The following CDC42 variants were observed in gnomAD, a reference collection of about 807,000 sequenced individuals.
CDC42 encodes the protein cell division control protein 42 homolog.
In CDC42, 1 loss-of-function variant was observed where a neutral mutation model predicts 20.8. The observed-to-expected ratio is 0.05, with a 90% CI of 0.02 to 0.23. CDC42 has a LOEUF of 0.23. CDC42 is among the 10% of genes least tolerant of loss of function. The pLI is 1.00. For missense variants in CDC42, 49 were observed against 227.9 expected (o/e 0.21, Z 5.05); for synonymous variants, 72 against 84.8 (o/e 0.85, Z 0.83).
chr1:22,058,058 C>T (rs541378406), intron 1 of CDC42, among the ~76,000 whole-genome samples: 3 of 152,192 alleles, frequency 2.0e-5, no homozygotes, highest in African/African-American at 4.8e-5. Context: ...TTACCTTTAC[C>T]GTTGTCATAG....
chr1:22,086,572 C>T (rs1206246946), intron 4 of CDC42, 24 bp downstream of exon 4: 3 of 1,586,202 alleles, frequency 1.9e-6, no homozygotes, highest in Non-Finnish European at 2.6e-6. Flanking sequence ...ATACTCTTGC[C>T]CTAAGAAGAT....
Position 22,092,262 on chromosome 1 carries a change from CTG to C in CDC42, c.*748_*749del, listed in dbSNP as rs1390392154. 6.5e-6 allele frequency: 1 copy of C among 152,674 alleles called. No individual in the cohort carries two copies. Among genetic ancestry groups the C allele is most frequent in the East Asian group, 1.9e-4 (1 of 5,182 alleles). The allele number at this position is 152,674 out of a possible 1,614,324, so 9.5% of individuals were successfully genotyped here. A position where few individuals can be genotyped will look rare whatever the true frequency, so the allele number is the denominator to read the frequency against. On this transcript the variant is annotated 3_prime_UTR_variant, in exon 6 of 6. Coordinates refer to ENST00000656825, the MANE Select transcript of CDC42 (RefSeq NM_001791.4). Reference sequence around the variant, plus strand: ...CTTTTCTAGGACGCACTATATGTGACTGTGACTTTCAAGGACATTTGTTTGCC... The same window carrying C: ...CTTTTCTAGGACGCACTATATGTGACTGACTTTCAAGGACATTTGTTTGCC...
chr1:22,085,637 ATTAAG>A (rs1453897167), intron 3 of CDC42, among the ~76,000 whole-genome samples: 2 of 152,152 alleles, frequency 1.3e-5, no homozygotes, highest in African/African-American at 4.8e-5. Context: ...TTTGCCTCTG[ATTAAG>A]TTAATTCTAA....
chr1:22,076,991 A>G (rs1009527938), intron 1 of CDC42, among the ~76,000 whole-genome samples: 7 of 151,846 alleles, frequency 4.6e-5, no homozygotes, highest in Non-Finnish European at 1.0e-4. Context: ...TAAAAAAACA[A>G]AAACCAAACA....
chr1:22,082,270 T>C (rs1645615262), intron 3 of CDC42, among the ~76,000 whole-genome samples: 1 of 152,192 alleles, frequency 6.6e-6, no homozygotes. Flanking sequence ...ATTACTCTCT[T>C]GATATTTGAA....
At chr1:22,053,366 G>T (rs1218104144) in intron 1 of CDC42, 1 of 151,952 alleles carries the variant, frequency 6.6e-6, no homozygotes, top group Non-Finnish European at 1.5e-5. Context: ...GCTCCCCTCC[G>T]CGCCGGCCGC....
intron 1 of CDC42, among the ~76,000 whole-genome samples, chr1:22,075,610 A>G (rs1206774009): frequency 2.0e-5 from 3 of 152,188 alleles, no homozygotes; most frequent in Non-Finnish European, 4.4e-5. Flanking sequence ...TAAAGTTACC[A>G]TTACTTGTTA....
chr1:22,061,148 T>C (rs946308664), intron 1 of CDC42, among the ~76,000 whole-genome samples: 4 of 152,216 alleles, frequency 2.6e-5, no homozygotes, highest in Admixed American at 2.6e-4. Flanking sequence ...GGCTCACGCC[T>C]GTAATCCCAG....
rs1458919830 is a variant in CDC42, at chr1:22,094,976, C to T, written c.*3459C>T. Among the ~76,000 whole-genome samples the T allele has an allele frequency of 3.3e-5, 5 of 152,098 alleles. No individual in the cohort carries two copies. Among genetic ancestry groups the T allele is most frequent in the Admixed American group, 6.5e-5 (1 of 15,272 alleles). Reference sequence around the variant, plus strand: ...TTTTGGTGCTGGGTGCTAAGAAACTCGCAAAACAAGGGCCCTGCTCAAGAA... The same window carrying T: ...TTTTGGTGCTGGGTGCTAAGAAACTTGCAAAACAAGGGCCCTGCTCAAGAA... On this transcript the variant is annotated 3_prime_UTR_variant, in exon 6 of 6. Coordinates refer to ENST00000656825, the MANE Select transcript of CDC42 (RefSeq NM_001791.4).
Position 22,099,182 on chromosome 1 carries a change from C to T in CDC42, c.*7665C>T, listed in dbSNP as rs1645775034. 6.6e-6 allele frequency among the ~76,000 whole-genome samples: 1 copy of T among 152,182 alleles called. No homozygotes were observed. Among genetic ancestry groups the T allele is most frequent in the Non-Finnish European group, 1.5e-5 (1 of 68,034 alleles). ...GTAGGAAGAAAGGTAGCCTCAAGGC[C>T]CCCATAAATAAATTGGTGCATTAAG... is the stretch of plus-strand genomic sequence containing the variant. On this transcript the variant is annotated 3_prime_UTR_variant, in exon 6 of 6. Transcript: ENST00000656825.
In CDC42 at chr1:22,097,593, C is replaced by T. The variant is rs1386291539; in HGVS notation, c.*6076C>T. 2.0e-5 allele frequency among the ~76,000 whole-genome samples: 3 copies of T among 152,192 alleles called. No individual in the cohort carries two copies. In the East Asian group the frequency reaches 5.8e-4, roughly 29 times the overall value. On this transcript the variant is annotated 3_prime_UTR_variant, in exon 6 of 6. Coordinates refer to ENST00000656825, the MANE Select transcript of CDC42 (RefSeq NM_001791.4). The stretch of plus-strand genomic sequence containing the variant: ...TTCAAAGTTGAGTACTGCATTCTTG[C>T]GGCTCTACCTAAGTTTCTCCTAGAA...
intron 1 of CDC42, among the ~76,000 whole-genome samples, chr1:22,071,232 G>A (rs1037803836): frequency 2.0e-5 from 3 of 151,718 alleles, no homozygotes; most frequent in Admixed American, 6.6e-5. Flanking sequence ...TTTTAGTAGC[G>A]TCGGGGTTTC....
In CDC42 at chr1:22,086,687, C is replaced by T; in HGVS notation, c.307C>T (p.His103Tyr). 1 of 1,613,976 alleles carries T rather than the reference C, an allele frequency of 6.2e-7. No homozygotes were observed. Among genetic ancestry groups the T allele is most frequent in the Non-Finnish European group, 8.5e-7 (1 of 1,179,942 alleles). ...TTTTTAGTGGGTGCCTGAGATAACT[C>T]ACCACTGTCCAAAGACTCCTTTCTT... is the stretch of plus-strand genomic sequence containing the variant. ...VKEKWVPEIT[H>Y]HCPKTPFLLV... is the part of the protein sequence containing the mutation. The change falls in exon 5 of 6, where the codon CAC (histidine) becomes TAC (tyrosine). Residue 103 changes from histidine (H) to tyrosine (Y), a missense_variant. Coordinates refer to ENST00000656825, the MANE Select transcript of CDC42 (RefSeq NM_001791.4).
Position 22,077,680 on chromosome 1 carries a change from A to G in CDC42, c.-50-749A>G, listed in dbSNP as rs145211172. ...TCAAAGATACATTCTGACTTTAGAG[A>G]TGTTAACATGAAAAAAAGCATCTCA... On this transcript the variant is annotated intron_variant, in intron 1 of 5. Coordinates refer to ENST00000656825, the MANE Select transcript of CDC42 (RefSeq NM_001791.4). Among the ~76,000 whole-genome samples, 7 of 152,266 alleles carry G rather than the reference A, an allele frequency of 4.6e-5. No individual in the cohort carries two copies. In the East Asian group the frequency reaches 1.4e-3, roughly 29 times the overall value.
In CDC42 at chr1:22,095,770, TTG is replaced by T. The variant is rs921650901; in HGVS notation, c.*4257_*4258del. On this transcript the variant is annotated 3_prime_UTR_variant, in exon 6 of 6. Transcript: ENST00000656825. ...CCTTCAGATTGGGCTCAGGTGGGCT[TTG>T]TGTTTGTCATTCTGGAGCCTAGTTC... Among the ~76,000 whole-genome samples the T allele has an allele frequency of 5.9e-5, 9 of 152,020 alleles. No homozygotes were observed. Among genetic ancestry groups the T allele is most frequent in the African/African-American group, 1.7e-4 (7 of 41,398 alleles).
In CDC42 at chr1:22,093,532, G is replaced by C. The variant is rs981030640; in HGVS notation, c.*2015G>C. On this transcript the variant is annotated 3_prime_UTR_variant, in exon 6 of 6. Transcript: ENST00000656825. ...TATACTGATCTGCATGAGAATCTTA[G>C]AAACTAAGAACCCTTAAAATCAGTT... is the stretch of plus-strand genomic sequence containing the variant. Among the ~76,000 whole-genome samples the C allele has an allele frequency of 6.6e-6, 1 of 152,148 alleles. No homozygotes were observed. Among genetic ancestry groups the C allele is most frequent in the African/African-American group, 2.4e-5 (1 of 41,430 alleles).
chr1:22,066,721 T>A (rs962610388), intron 1 of CDC42, among the ~76,000 whole-genome samples: 1 of 151,602 alleles, frequency 6.6e-6, no homozygotes, highest in Admixed American at 6.6e-5. Flanking sequence ...ATCTGGAGAG[T>A]GAGAAGCCAA....
intron 1 of CDC42, among the ~76,000 whole-genome samples, chr1:22,065,302 C>G (rs1394132112): frequency 1.3e-5 from 2 of 152,202 alleles, no homozygotes; most frequent in Non-Finnish European, 2.9e-5. Flanking sequence ...AGGTGGTTTA[C>G]AGCCCTTTCT....
chr1:22,082,875 A>ATTTTTTTTTTTT, intron 3 of CDC42, among the ~76,000 whole-genome samples: 1 of 140,210 alleles, frequency 7.1e-6, no homozygotes, highest in Non-Finnish European at 1.5e-5. Context: ...CACAGAGAAA[A>ATTTTTTTTTTTT]TTTTTATTTT....
Sources: allele counts gnomAD v4.1 joint callset (sites outside exome capture counted in the v4.1 genomes callset), GRCh38; gene constraint gnomAD v4.1.1; transcripts MANE v1.5; gene names NCBI Gene and HGNC (gene_info 2026-07-23, HGNC 2026-07-21).